SLCO2A1: variants seen among roughly 807,000 people sequenced by gnomAD.
SLCO2A1 encodes matrin F/G 1.
SLCO2A1 carries 60 observed loss-of-function variants against 71.7 expected under a neutral mutation model. That is an observed-to-expected ratio of 0.84 (90% CI 0.68 to 1.04). The LOEUF is 1.04. Among genes scored for constraint, SLCO2A1 ranks in the 50% least tolerant of loss-of-function variants. SLCO2A1 has a pLI of 0.00. For missense variants in SLCO2A1, 745 were observed against 813.4 expected, an observed-to-expected ratio of 0.92 and a Z score of 1.02; for synonymous variants, 308 against 326.7, an observed-to-expected ratio of 0.94 and a Z score of 0.62.
At chr3:133,949,541 C>A (rs879341518) in intron 6 of SLCO2A1, among the ~76,000 whole-genome samples, 2 of 152,326 alleles carry the variant, frequency 1.3e-5, no homozygotes, top group Admixed American at 1.3e-4. Flanking sequence ...ACCTTGTCAG[C>A]TCCAGCCTAA....
chr3:134,029,071 T>G (rs902968674), intron 1 of SLCO2A1, among the ~76,000 whole-genome samples: 8 of 152,186 alleles, frequency 5.3e-5, no homozygotes, highest in Admixed American at 1.3e-4. Flanking sequence ...GAAGCCAATC[T>G]GAGCACGCGG....
Position 133,942,653 on chromosome 3 carries a change from G to A in SLCO2A1, c.1577C>T (p.Ser526Phe), listed in dbSNP as rs758449258. 3.1e-6 allele frequency: 5 copies of A among 1,613,932 alleles called. No homozygotes were observed. The highest frequency in any genetic ancestry group is 1.1e-5 in the South Asian group (1 of 91,032). The change falls in exon 11 of 14, where the codon TCC becomes TTC. Residue 526 changes from serine to phenylalanine, a missense_variant. Ser to Phe is a radical substitution (Grantham distance 155). Transcript: ENST00000310926. Reference protein sequence around the residue: ...LPAIFLISFVSLIACISHNPL... With the variant: ...LPAIFLISFVFLIACISHNPL... ...GTTGTGGGAGATGCAGGCTATCAGG[G>A]ACACGAAGGAGATGAGGAAGATGGC...
intron 1 of SLCO2A1, among the ~76,000 whole-genome samples, chr3:134,009,116 C>T (rs1935280559): frequency 6.6e-6 from 1 of 152,184 alleles, no homozygotes; most frequent in Non-Finnish European, 1.5e-5. Flanking sequence ...TGACCACAGA[C>T]TGTAGGGCTT....
At chr3:133,972,230 G>A (rs1283876603) in intron 3 of SLCO2A1, among the ~76,000 whole-genome samples, 1 of 152,158 alleles carries the variant, frequency 6.6e-6, no homozygotes, top group East Asian at 1.9e-4. Flanking sequence ...AATATGTAGT[G>A]CCATTCAAAT....
chr3:133,950,497 GTC>G (rs1169028247), intron 6 of SLCO2A1, among the ~76,000 whole-genome samples: 1 of 151,892 alleles, frequency 6.6e-6, no homozygotes, highest in Non-Finnish European at 1.5e-5. Context: ...CTCTCACCTG[GTC>G]TCTGCACTGG....
chr3:133,965,376 C>T (rs1232027313), intron 3 of SLCO2A1, among the ~76,000 whole-genome samples: 1 of 152,192 alleles, frequency 6.6e-6, no homozygotes, highest in Non-Finnish European at 1.5e-5. Flanking sequence ...CGTGGGCCAG[C>T]GTCACCCAGA....
Position 133,938,507 on chromosome 3 carries a change from C to G in SLCO2A1, c.1626-14G>C. 1 of 1,613,718 alleles carries G rather than the reference C, an allele frequency of 6.2e-7. No homozygotes were observed. Among genetic ancestry groups the G allele is most frequent in the East Asian group, 2.2e-5 (1 of 44,866 alleles). ...TGGTTCACCACACTGAAAAGACAGA[C>G]AGGAAATCAGCAGTGGGAGGATTCA... On this transcript the variant is annotated splice_polypyrimidine_tract_variant and intron_variant, in intron 11 of 13. Transcript: ENST00000310926.
chr3:134,005,037 T>G (rs917908648), intron 1 of SLCO2A1, among the ~76,000 whole-genome samples: 1 of 152,214 alleles, frequency 6.6e-6, no homozygotes, highest in Non-Finnish European at 1.5e-5. Flanking sequence ...GACAGAGGTT[T>G]ACAGTGGAAA....
intron 1 of SLCO2A1, among the ~76,000 whole-genome samples, chr3:134,024,800 T>A (rs951745271): frequency 6.6e-6 from 1 of 152,160 alleles, no homozygotes; most frequent in Non-Finnish European, 1.5e-5. Flanking sequence ...AAATGCTAGA[T>A]TAACCAAGTA....
chr3:133,966,460 G>T (rs947952653), intron 3 of SLCO2A1, among the ~76,000 whole-genome samples: 1 of 152,146 alleles, frequency 6.6e-6, no homozygotes, highest in African/African-American at 2.4e-5. Context: ...GGAGTCCCCT[G>T]CTCACACCTC....
intron 10 of SLCO2A1, among the ~76,000 whole-genome samples, chr3:133,944,318 G>A (rs1933508907): frequency 6.6e-6 from 1 of 152,150 alleles, no homozygotes; most frequent in Non-Finnish European, 1.5e-5. Context: ...ATGAGAACAG[G>A]GACCTTGTCT....
rs745763957 is a variant in SLCO2A1 at position 133,945,186 on chromosome 3, G to T, written c.1370C>A (p.Pro457Gln). Residue 457 changes from proline to glutamine, a missense_variant, in exon 10 of 14, where the codon CCG (proline) becomes CAG (glutamine). Physicochemically the swap from Pro to Gln is moderately conservative, Grantham distance 76. Transcript: ENST00000310926. Reference protein sequence around the residue: ...DCSCPDSIFHPVCGDNGIEYL... With the variant: ...DCSCPDSIFHQVCGDNGIEYL... ...CTCGATTCCATTGTCTCCACAGACC[G>T]GGTGGAAGATAGAATCTGGGCACGA... 1.9e-6 allele frequency: 3 copies of T among 1,614,038 alleles called. No homozygotes were observed. The African/African-American group carries it at 4.0e-5, about 22-fold the overall frequency.
At chr3:133,954,866 G>T in intron 4 of SLCO2A1, 100 bp downstream of exon 4, 1 of 929,632 alleles carries the variant, frequency 1.1e-6, no homozygotes, top group Non-Finnish European at 1.6e-6. Flanking sequence ...TGGGTTGTAA[G>T]CAAAGAGGGT....
intron 1 of SLCO2A1, among the ~76,000 whole-genome samples, chr3:133,988,047 AT>A (rs1317168795): frequency 6.6e-6 from 1 of 152,196 alleles, no homozygotes; most frequent in Non-Finnish European, 1.5e-5. Flanking sequence ...AATTCTAAGT[AT>A]TCCCCCTCAC....
At chr3:133,960,703 A>C (rs1217819667) in intron 3 of SLCO2A1, among the ~76,000 whole-genome samples, 1 of 152,170 alleles carries the variant, frequency 6.6e-6, no homozygotes, top group African/African-American at 2.4e-5. Flanking sequence ...TAAACAGTAA[A>C]ATTTATGTTA....
Position 133,945,262 on chromosome 3 carries a change from T to C in SLCO2A1, c.1296-2A>G, listed in dbSNP as rs775546669. 1.9e-6 allele frequency: 3 copies of C among 1,599,562 alleles called. No individual in the cohort carries two copies. The highest frequency in any genetic ancestry group is 1.4e-5 in the African/African-American group (1 of 73,900). On this transcript the variant is annotated splice_acceptor_variant, in intron 9 of 13. Coordinates refer to ENST00000310926, the MANE Select transcript of SLCO2A1 (RefSeq NM_005630.3). LOFTEE classifies it high-confidence loss of function. Reference sequence around the variant, plus strand: ...TGCGGATGTATAGAACTTGATGTGCTGCCAGCAAAAGAGGAAACGGGGAAT... The same window carrying C: ...TGCGGATGTATAGAACTTGATGTGCCGCCAGCAAAAGAGGAAACGGGGAAT...
At chr3:133,945,698 C>T (rs1009324548) in intron 9 of SLCO2A1, among the ~76,000 whole-genome samples, 7 of 152,284 alleles carry the variant, frequency 4.6e-5, no homozygotes, top group Non-Finnish European at 8.8e-5. Context: ...TAATGTAGAC[C>T]TTGCCCAGAG....
intron 9 of SLCO2A1, among the ~76,000 whole-genome samples, chr3:133,946,956 A>T (rs1263457799): frequency 6.6e-6 from 1 of 152,072 alleles, no homozygotes; most frequent in African/African-American, 2.4e-5. Flanking sequence ...CTCAACTAAA[A>T]ATACAAAAAT....
chr3:133,961,886 A>G (rs1342393131), intron 3 of SLCO2A1, among the ~76,000 whole-genome samples: 4 of 152,096 alleles, frequency 2.6e-5, no homozygotes, highest in African/African-American at 9.7e-5. Context: ...GTTAAATGCA[A>G]CCCCGAGGTC....
Sources: gnomAD v4.1 joint callset for allele counts (sites outside exome capture counted in the v4.1 genomes callset) on GRCh38, gnomAD v4.1.1 for gene constraint, MANE v1.5 for transcripts, NCBI Gene and HGNC (gene_info 2026-07-23, HGNC 2026-07-21) for gene names.